Variants in SLC2A10 observed in about 807,000 individuals in gnomAD.
The protein encoded by SLC2A10 is solute carrier family 2 member 10, also known as solute carrier family 2, facilitated glucose transporter member 10.
In SLC2A10, 25 loss-of-function variants were observed where a neutral mutation model predicts 32.1. The observed-to-expected ratio is 0.78, with a 90% CI of 0.57 to 1.09. SLC2A10 has a LOEUF of 1.09. SLC2A10 is among the 50% of genes least tolerant of loss of function. The pLI is 0.00. For missense variants in SLC2A10, 673 were observed against 686.5 expected, an observed-to-expected ratio of 0.98 and a Z score of 0.22; for synonymous variants, 332 against 309.6, an observed-to-expected ratio of 1.07 and a Z score of -0.76.
At chr20:46,731,495 T>C (rs1279382561) in intron 4 of SLC2A10, among the ~76,000 whole-genome samples, 1 of 152,136 alleles carries the variant, frequency 6.6e-6, no homozygotes, top group Non-Finnish European at 1.5e-5. Flanking sequence ...AAATCCATCC[T>C]CTGGGATAAA....
chr20:46,732,934 G>C (rs928771663), intron 4 of SLC2A10, among the ~76,000 whole-genome samples: 2 of 152,162 alleles, frequency 1.3e-5, no homozygotes, highest in Non-Finnish European at 2.9e-5. Context: ...CAAGTTAGGA[G>C]TTTTGAAGGG....
At chr20:46,716,141 T>C (rs1386070776) in intron 1 of SLC2A10, among the ~76,000 whole-genome samples, 1 of 151,760 alleles carries the variant, frequency 6.6e-6, no homozygotes, top group African/African-American at 2.4e-5. Flanking sequence ...CCTCATAACG[T>C]TGGGGTGAGA....
Position 46,733,797 on chromosome 20 carries a change from T to C in SLC2A10, c.1589T>C (p.Ile530Thr). ...SFGHRQNSTG[I>T]PYSRIEISAA... is the part of the protein sequence containing the mutation. ...GGCCACAGGCAGAACTCCACTGGCA[T>C]CCCGTACAGCCGCATCGAGATCTCT... The change falls in exon 5 of 5, where the codon ATC (isoleucine) becomes ACC (threonine). Residue 530 changes from isoleucine (I) to threonine (T), a missense_variant. By Grantham distance (89) the Ile-to-Thr change is moderately conservative (BLOSUM62 -1). Coordinates refer to ENST00000359271, the MANE Select transcript of SLC2A10 (RefSeq NM_030777.4). The C allele has an allele frequency of 6.2e-7, 1 of 1,614,192 alleles. No individual in the cohort carries two copies. The highest frequency in any genetic ancestry group is 8.5e-7 in the Non-Finnish European group (1 of 1,180,038).
chr20:46,728,551 A>G (rs576611891), intron 3 of SLC2A10, among the ~76,000 whole-genome samples: 2 of 150,752 alleles, frequency 1.3e-5, no homozygotes, highest in Non-Finnish European at 2.9e-5. Context: ...CTGAAACTCA[A>G]TTCTCTGAAT....
intron 1 of SLC2A10, among the ~76,000 whole-genome samples, chr20:46,721,437 C>CAAAAAA (rs763252434): frequency 8.6e-6 from 1 of 116,034 alleles, no homozygotes. Context: ...CCTCAATTAG[C>CAAAAAA]AAAAAAAAAA....
intron 1 of SLC2A10, among the ~76,000 whole-genome samples, chr20:46,712,317 T>C (rs963007776): frequency 1.3e-5 from 2 of 152,170 alleles, no homozygotes; most frequent in African/African-American, 4.8e-5. Context: ...AGGGACCCAG[T>C]GCTCTGTGAC....
upstream of SLC2A10, among the ~76,000 whole-genome samples, chr20:46,709,113 C>T (rs1055834821): frequency 1.3e-5 from 2 of 152,218 alleles, no homozygotes; most frequent in African/African-American, 4.8e-5. Context: ...AAGACCTGTT[C>T]TGTTTTGTTC....
At position 46,734,704 on chromosome 20, in the gene SLC2A10, C is replaced by T. The variant is rs1351378343; in HGVS notation, c.*870C>T. ...TCATTGCTGTAGGAATGACCACGGG[C>T]CTCAGTTTCCCCATTTGTATAATGG... On this transcript the variant is annotated 3_prime_UTR_variant, in exon 5 of 5. Transcript: ENST00000359271. 6.6e-6 allele frequency: 1 copy of T among 152,304 alleles called. No individual in the cohort carries two copies. The highest frequency in any genetic ancestry group is 6.5e-5 in the Admixed American group (1 of 15,268). 9.4% of individuals were successfully genotyped at this position (152,304 alleles called of 1,614,324 possible).
chr20:46,729,522 G>A (rs1407365399), intron 4 of SLC2A10, 34 bp downstream of exon 4: 1 of 1,611,504 alleles, frequency 6.2e-7, no homozygotes, highest in African/African-American at 1.3e-5. Context: ...TGGGGGAAGA[G>A]CTGTAGCACA....
intron 4 of SLC2A10, among the ~76,000 whole-genome samples, chr20:46,730,084 C>G (rs1980217161): frequency 6.6e-6 from 1 of 152,200 alleles, no homozygotes; most frequent in Non-Finnish European, 1.5e-5. Flanking sequence ...AGAGTAGAAT[C>G]TTAAAACCAT....
intron 1 of SLC2A10, among the ~76,000 whole-genome samples, chr20:46,723,135 G>A (rs1413794072): frequency 1.3e-5 from 2 of 152,120 alleles, no homozygotes; most frequent in African/African-American, 4.8e-5. Flanking sequence ...TGCCATCAGG[G>A]ACCCATTCTT....
upstream of SLC2A10, among the ~76,000 whole-genome samples, chr20:46,708,678 G>T (rs1197236502): frequency 6.6e-6 from 1 of 152,160 alleles, no homozygotes; most frequent in African/African-American, 2.4e-5. Context: ...TGAGTATTCT[G>T]GCCCTTAACC....
intron 3 of SLC2A10, 106 bp downstream of exon 3, chr20:46,727,092 C>A: frequency 7.1e-7 from 1 of 1,400,288 alleles, no homozygotes; most frequent in Non-Finnish European, 1.0e-6. Flanking sequence ...AACTATTATT[C>A]TGTGCAGAAA....
intron 1 of SLC2A10, chr20:46,710,192 C>T (rs1568977680): frequency 1.7e-5 from 7 of 418,356 alleles, no homozygotes; most frequent in Non-Finnish European, 2.9e-5. Context: ...GACGAACCCC[C>T]TCCTCTGGAC....
chr20:46,726,325 G>A lies in SLC2A10; in HGVS notation c.1288+1G>A, dbSNP rs968035972. On this transcript the variant is annotated splice_donor_variant, in intron 2 of 4. Transcript: ENST00000359271. LOFTEE classifies it high-confidence loss of function. ...GCCTTCTCCTTTGGGTTTGGGCCAGGTAAGTGGAGTTTTCTTGCAGGTGAC... is the reference window on the plus strand; with the variant it reads ...GCCTTCTCCTTTGGGTTTGGGCCAGATAAGTGGAGTTTTCTTGCAGGTGAC... The A allele has an allele frequency of 6.2e-7, 1 of 1,607,248 alleles. No homozygotes were observed. Among genetic ancestry groups the A allele is most frequent in the Non-Finnish European group, 8.5e-7 (1 of 1,179,986 alleles).
intron 1 of SLC2A10, among the ~76,000 whole-genome samples, chr20:46,723,999 G>A (rs117608003): frequency 0.02 from 3,098 of 152,278 alleles, 43 homozygotes; most frequent in Middle Eastern, 0.037. Context: ...CAAACACCAA[G>A]AACTGTCCTA....
intron 1 of SLC2A10, among the ~76,000 whole-genome samples, chr20:46,718,241 G>A (rs566677450): frequency 1.1e-4 from 17 of 152,080 alleles, no homozygotes; most frequent in African/African-American, 4.1e-4. Context: ...GAAAGAAAAT[G>A]CTTTGAGCTT....
At chr20:46,727,034 C>T (rs749324435) in intron 3 of SLC2A10, 48 bp downstream of exon 3, 1 of 1,613,846 alleles carries the variant, frequency 6.2e-7, no homozygotes, top group Admixed American at 1.7e-5. Flanking sequence ...GCCCAAGCTC[C>T]CTACTCTAAA....
chr20:46,711,326 A>T lies in SLC2A10; in HGVS notation c.4+1586A>T, dbSNP rs1978900795. On this transcript the variant is annotated intron_variant, in intron 1 of 4. Coordinates refer to ENST00000359271, the MANE Select transcript of SLC2A10 (RefSeq NM_030777.4). ...TCCCCAAGGTCACACAGCTATGGAG[A>T]GGAGAAGCTGGGAAGGAGCCCCAGC... Among the ~76,000 whole-genome samples, 3 of 152,126 alleles carry T rather than the reference A, an allele frequency of 2.0e-5. No individual in the cohort carries two copies. In the South Asian group the frequency reaches 6.2e-4, roughly 32 times the overall value.
Sources: allele counts gnomAD v4.1 joint callset (sites outside exome capture counted in the v4.1 genomes callset), GRCh38; gene constraint gnomAD v4.1.1; transcripts MANE v1.5; gene names NCBI Gene and HGNC (gene_info 2026-07-23, HGNC 2026-07-21).